Variants in MID1 observed in about 807,000 individuals in gnomAD.
MID1 encodes midline 1.
A neutral mutation model predicts 40.4 loss-of-function variants in MID1; 7 were observed. That is an observed-to-expected ratio of 0.17 (90% CI 0.10 to 0.33). The LOEUF is 0.33. Among genes scored for constraint, MID1 ranks in the 10% least tolerant of loss-of-function variants. The probability of loss-of-function intolerance (pLI) is 1.00; values close to 1 mark genes in which losing one functional copy is unlikely to be tolerated. For synonymous variants in MID1, 229 were observed against 221.2 expected (o/e 1.04, Z -0.31); for missense variants, 367 against 558.5 (o/e 0.66, Z 3.46).
chrX:10,581,689 A>G (rs1412284607), intron 1 of MID1, among the ~76,000 whole-genome samples: 1 of 112,433 alleles, frequency 8.9e-6, no homozygotes, highest in Non-Finnish European at 1.9e-5. Flanking sequence ...AATAACATTT[A>G]TGGAGCATCT....
At chrX:10,468,401 T>C (rs1263440411) in intron 7 of MID1, among the ~76,000 whole-genome samples, 1 of 112,322 alleles carries the variant, frequency 8.9e-6, no homozygotes, top group East Asian at 2.8e-4. Context: ...TGACTCAGAA[T>C]TACTTGTGCT....
chrX:10,510,549 C>T (rs774018320), intron 3 of MID1, among the ~76,000 whole-genome samples: 1 of 106,962 alleles, frequency 9.3e-6, no homozygotes, highest in African/African-American at 3.8e-5. Flanking sequence ...TGCTGAAACC[C>T]AGGCCGGGCG....
intron 2 of MID1, among the ~76,000 whole-genome samples, chrX:10,553,921 G>A (rs1391855267): frequency 9.0e-6 from 1 of 111,407 alleles, no homozygotes; most frequent in African/African-American, 3.3e-5. Context: ...TTTCTTTCTC[G>A]CTAATTTTTT....
At chrX:10,526,751 C>T (rs1932842116) in intron 2 of MID1, among the ~76,000 whole-genome samples, 1 of 111,650 alleles carries the variant, frequency 9.0e-6, no homozygotes, top group African/African-American at 3.3e-5. Context: ...AACACATTGA[C>T]CTATCCAGAT....
intron 1 of MID1, among the ~76,000 whole-genome samples, chrX:10,627,411 G>C (rs998726356): frequency 8.9e-6 from 1 of 112,069 alleles, no homozygotes; most frequent in African/African-American, 3.2e-5. Flanking sequence ...GATACATATA[G>C]ACAGTTCTGA....
chrX:10,489,596 T>C (rs1340196065), intron 4 of MID1, among the ~76,000 whole-genome samples: 1 of 112,340 alleles, frequency 8.9e-6, no homozygotes, highest in Non-Finnish European at 1.9e-5. Context: ...TCTATTTGTC[T>C]ATCTTTATAC....
rs1050752848 is a variant in MID1 at position 10,587,286 on chromosome X, G to A, written c.-56-19683C>T. ...CACCACAATACCACCACACATCCGC[G>A]TGAGGATGAACAAGGGCTGACTGAT... On this transcript the variant is annotated intron_variant, in intron 1 of 9. Coordinates refer to ENST00000317552, the MANE Select transcript of MID1 (RefSeq NM_000381.4). Among the ~76,000 whole-genome samples, 18 of 112,869 alleles carry A rather than the reference G, an allele frequency of 1.6e-4. 1 individual carries two copies. Among genetic ancestry groups the A allele is most frequent in the African/African-American group, 3.5e-4 (11 of 31,082 alleles).
At chrX:10,452,042 AC>A (rs1027179169) in intron 9 of MID1, among the ~76,000 whole-genome samples, 2 of 111,919 alleles carry the variant, frequency 1.8e-5, no homozygotes, top group African/African-American at 6.5e-5. Flanking sequence ...TCACAAAATC[AC>A]CACATCTGTA....
rs1389353214 is a variant in MID1 at position 10,589,091 on chromosome X, G to C, written c.-56-21488C>G. Among the ~76,000 whole-genome samples the C allele has an allele frequency of 3.6e-5, 4 of 111,743 alleles. No individual in the cohort carries two copies. In the East Asian group the frequency reaches 1.1e-3, roughly 31 times the overall value. On this transcript the variant is annotated intron_variant, in intron 1 of 9. Coordinates refer to ENST00000317552, the MANE Select transcript of MID1 (RefSeq NM_000381.4). The stretch of plus-strand genomic sequence containing the variant: ...CCACAAAACAAAGAACAGGTAAAAA[G>C]GGCACACACACACTTTTGCAGTTTA...
At chrX:10,761,515 A>G (rs2043677998) in intron 1 of MID1, among the ~76,000 whole-genome samples, 1 of 111,803 alleles carries the variant, frequency 8.9e-6, no homozygotes, top group African/African-American at 3.3e-5. Context: ...TCTTGGTCAC[A>G]TGACTTGTTT....
intron 1 of MID1, among the ~76,000 whole-genome samples, chrX:10,828,121 G>A (rs2044227696): frequency 9.0e-6 from 1 of 111,403 alleles, no homozygotes; most frequent in Non-Finnish European, 1.9e-5. Context: ...TCTTATAATC[G>A]ATCATATATG....
chrX:10,754,288 T>C (rs1224042613), intron 1 of MID1, among the ~76,000 whole-genome samples: 2 of 110,008 alleles, frequency 1.8e-5, no homozygotes, highest in Non-Finnish European at 3.8e-5. Context: ...TAGAAAAGAA[T>C]AGACAAGAGA....
intron 1 of MID1, among the ~76,000 whole-genome samples, chrX:10,698,470 C>T (rs1433956207): frequency 9.0e-6 from 1 of 111,469 alleles, no homozygotes; most frequent in African/African-American, 3.3e-5. Flanking sequence ...AGCCAGTTCA[C>T]ATTTCATAGT....
intron 2 of MID1, among the ~76,000 whole-genome samples, chrX:10,530,979 C>T (rs1183339949): frequency 1.8e-5 from 2 of 111,873 alleles, no homozygotes; most frequent in Non-Finnish European, 3.8e-5. Context: ...TGCTCTTATT[C>T]CGAAGTCAAT....
intron 1 of MID1, among the ~76,000 whole-genome samples, chrX:10,832,692 T>C (rs1234551111): frequency 8.9e-6 from 1 of 112,503 alleles, no homozygotes; most frequent in Non-Finnish European, 1.9e-5. Context: ...AAAAATTGAC[T>C]TTCTTTGCAA....
At chrX:10,714,300 G>C (rs1390833054) in intron 1 of MID1, among the ~76,000 whole-genome samples, 6 of 112,686 alleles carry the variant, frequency 5.3e-5, no homozygotes, top group Non-Finnish European at 7.5e-5. Context: ...CAGCAGCCCA[G>C]GCCCCTGCAA....
At chrX:10,465,778 G>A (rs143516844) in intron 7 of MID1, among the ~76,000 whole-genome samples, 2 of 111,679 alleles carry the variant, frequency 1.8e-5, no homozygotes, top group African/African-American at 6.5e-5. Context: ...CCAGATGAAT[G>A]CAGCCCAGCC....
chrX:10,801,477 G>A (rs2044006983), intron 1 of MID1, among the ~76,000 whole-genome samples: 1 of 111,879 alleles, frequency 8.9e-6, no homozygotes, highest in Admixed American at 9.5e-5. Context: ...AAGTAGCCCT[G>A]AGTTTGGGAA....
intron 1 of MID1, among the ~76,000 whole-genome samples, chrX:10,646,707 T>C (rs1054152625): frequency 4.5e-5 from 5 of 111,294 alleles, no homozygotes; most frequent in Non-Finnish European, 7.5e-5. Context: ...GGAAAAAGAG[T>C]ATTCTTTGTC....
Sources: gnomAD v4.1 joint callset for allele counts (sites outside exome capture counted in the v4.1 genomes callset) on GRCh38, gnomAD v4.1.1 for gene constraint, MANE v1.5 for transcripts, NCBI Gene and HGNC (gene_info 2026-07-23, HGNC 2026-07-21) for gene names.